The following ADGRV1 variants were observed in gnomAD, a reference collection of about 807,000 sequenced individuals.
ADGRV1 encodes the protein adhesion G protein-coupled receptor V1, also known as G-protein coupled receptor 98.
Under a neutral mutation model 596.2 loss-of-function variants are expected in ADGRV1, and 359 were observed. That is an observed-to-expected ratio of 0.60 (90% CI 0.55 to 0.66). The LOEUF is 0.66. Among genes scored for constraint, ADGRV1 ranks in the 30% least tolerant of loss-of-function variants. The pLI is 0.00. For missense variants in ADGRV1, 7,274 were observed against 7,575.6 expected (o/e 0.96, Z 1.48); for synonymous variants, 2,681 against 2,679.2 (o/e 1.00, Z -0.02).
chr5:90,821,084 G>C (rs1763451983), intron 75 of ADGRV1, among the ~76,000 whole-genome samples: 2 of 152,102 alleles, frequency 1.3e-5, no homozygotes, highest in African/African-American at 4.8e-5. Flanking sequence ...TTTTCACATA[G>C]TCGCATATTT....
Position 91,058,432 on chromosome 5 carries a change from C to T in ADGRV1, c.18153-14015C>T, listed in dbSNP as rs184974474. Among the ~76,000 whole-genome samples, 4 of 151,756 alleles carry T rather than the reference C, an allele frequency of 2.6e-5. No homozygotes were observed. The East Asian group carries it at 7.8e-4, about 29-fold the overall frequency. On this transcript the variant is annotated intron_variant, in intron 85 of 89. Transcript: ENST00000405460. ...AGGCTTTGAAAGGCTAGAAACCCTC[C>T]CTCTTCCATAAAATCGTTAGGTAAT...
chr5:90,688,530 A>G (rs917224170), intron 29 of ADGRV1, among the ~76,000 whole-genome samples: 1 of 151,750 alleles, frequency 6.6e-6, no homozygotes, highest in Admixed American at 6.6e-5. Flanking sequence ...TAATTTTTGT[A>G]TTTTTTAGTA....
At chr5:91,035,844 GTATATATATATATATATTATATATA>G (rs1208661303) in intron 85 of ADGRV1, among the ~76,000 whole-genome samples, 3 of 34,740 alleles carry the variant, frequency 8.6e-5, no homozygotes, top group Non-Finnish European at 1.8e-4. Flanking sequence ...AAATGAGTGT[GTATATATATATATATATTATATATA>G]TATATATATA....
chr5:91,141,403 C>T (rs1435505047), intron 87 of ADGRV1, among the ~76,000 whole-genome samples: 1 of 152,162 alleles, frequency 6.6e-6, no homozygotes, highest in Non-Finnish European at 1.5e-5. Flanking sequence ...TAATTGCTTA[C>T]ACAGATTTCC....
intron 83 of ADGRV1, among the ~76,000 whole-genome samples, chr5:90,869,460 G>A (rs73771104): frequency 0.018 from 2,706 of 152,198 alleles, 76 homozygotes; most frequent in African/African-American, 0.062. Context: ...TTTAAGGATT[G>A]ATCTGGCAAT....
chr5:90,595,468 G>A (rs775156227), intron 1 of ADGRV1, among the ~76,000 whole-genome samples: 1,247 of 71,994 alleles, frequency 0.017, 11 homozygotes, highest in Non-Finnish European at 0.026. Context: ...CGGACGGGGC[G>A]GCTGGCCGGG....
intron 87 of ADGRV1, among the ~76,000 whole-genome samples, chr5:91,113,510 C>T (rs1021712164): frequency 1.1e-4 from 17 of 152,168 alleles, no homozygotes; most frequent in African/African-American, 4.1e-4. Flanking sequence ...TCAAAGATTA[C>T]CTTCCCATTG....
Position 90,694,540 on chromosome 5 carries a change from T to C in ADGRV1, c.7784T>C (p.Phe2595Ser), listed in dbSNP as rs1173831235. 1 of 1,613,792 alleles carries C rather than the reference T, an allele frequency of 6.2e-7. No individual in the cohort carries two copies. The highest frequency in any genetic ancestry group is 1.7e-5 in the Admixed American group (1 of 59,992). ...ISPNTSEDGL[F>S]VEVQEQPQTL... is the part of the protein sequence containing the mutation. ...CCCAATACTTCCGAAGATGGCTTAT[T>C]TGTTGAAGTTCAGGAGCAGCCCCAA... The change falls in exon 33 of 90, where the codon TTT becomes TCT. Residue 2595 changes from phenylalanine to serine, a missense_variant. Coordinates refer to ENST00000405460, the MANE Select transcript of ADGRV1 (RefSeq NM_032119.4).
chr5:91,070,903 G>A (rs996975112), intron 85 of ADGRV1, among the ~76,000 whole-genome samples: 2 of 152,122 alleles, frequency 1.3e-5, no homozygotes, highest in African/African-American at 4.8e-5. Context: ...CAAAAAACAA[G>A]ATTGTGGAGA....
At chr5:91,141,711 G>A (rs532882232) in intron 87 of ADGRV1, among the ~76,000 whole-genome samples, 19 of 152,244 alleles carry the variant, frequency 1.2e-4, no homozygotes, top group African/African-American at 3.9e-4. Flanking sequence ...CACAATATCC[G>A]TTATCTTTGC....
chr5:90,750,696 T>C lies in ADGRV1; in HGVS notation c.11120T>C (p.Val3707Ala), dbSNP rs1282037439. 3.1e-6 allele frequency: 5 copies of C among 1,609,174 alleles called. No homozygotes were observed. The highest frequency in any genetic ancestry group is 2.2e-5 in the East Asian group (1 of 44,788). Reference protein sequence around the residue: ...SISDIFPTSGVILFTEGQVLS... With the variant: ...SISDIFPTSGAILFTEGQVLS... ...AGTGATATATTTCCTACCTCAGGAG[T>C]GGTATGTAATTTACAAAGTTATAGG... The change falls in exon 53 of 90, where the codon GTG (valine) becomes GCG (alanine). Residue 3707 changes from valine (V) to alanine (A), a missense_variant and splice_region_variant. Val to Ala is a moderately conservative substitution (Grantham distance 64). Coordinates refer to ENST00000405460, the MANE Select transcript of ADGRV1 (RefSeq NM_032119.4).
intron 85 of ADGRV1, among the ~76,000 whole-genome samples, chr5:91,035,881 A>ATATC (rs1784871926): frequency 7.8e-6 from 1 of 128,600 alleles, no homozygotes; most frequent in Non-Finnish European, 1.7e-5. Context: ...ATATATATAT[A>ATATC]TCTTACAACA....
rs768224917 is a variant in ADGRV1 at position 90,788,028 on chromosome 5, T to A, written c.13654-43T>A. The A allele has an allele frequency of 2.3e-5, 33 of 1,432,874 alleles. 1 individual carries two copies. The Admixed American group carries it at 7.8e-4, about 34-fold the overall frequency. The allele number at this position is 1,432,874 out of a possible 1,614,324, so 88.8% of individuals were successfully genotyped here. ...CCTGAAATAGTTTTTTGCTTAAAATTGATCTCTATTAAAGAAATACCAAAA... is the reference window on the plus strand; with the variant it reads ...CCTGAAATAGTTTTTTGCTTAAAATAGATCTCTATTAAAGAAATACCAAAA... On this transcript the variant is annotated intron_variant, in intron 67 of 89. Coordinates refer to ENST00000405460, the MANE Select transcript of ADGRV1 (RefSeq NM_032119.4).
intron 70 of ADGRV1, among the ~76,000 whole-genome samples, chr5:90,799,228 G>T (rs774926005): frequency 3.3e-5 from 5 of 152,176 alleles, no homozygotes; most frequent in East Asian, 1.9e-4. Flanking sequence ...CTTCAGCAAA[G>T]TCTCAGGATA....
At chr5:90,921,273 T>A (rs2150739011) in intron 83 of ADGRV1, among the ~76,000 whole-genome samples, 1 of 152,314 alleles carries the variant, frequency 6.6e-6, no homozygotes, top group Non-Finnish European at 1.5e-5. Flanking sequence ...TTAGCACCTA[T>A]TTTTTGTTTT....
chr5:91,027,969 A>C (rs1784152076), intron 85 of ADGRV1, among the ~76,000 whole-genome samples: 1 of 151,806 alleles, frequency 6.6e-6, no homozygotes, highest in African/African-American at 2.4e-5. Flanking sequence ...TTTCTTAAAT[A>C]GCAGGCTTTG....
intron 50 of ADGRV1, among the ~76,000 whole-genome samples, chr5:90,737,448 T>G (rs1753388440): frequency 6.6e-6 from 1 of 151,986 alleles, no homozygotes; most frequent in South Asian, 2.1e-4. Flanking sequence ...TAGGTCTATT[T>G]GGTCTACAGT....
At chr5:90,745,878 C>T (rs2149918480) in intron 52 of ADGRV1, 83 bp downstream of exon 52, 1 of 796,078 alleles carries the variant, frequency 1.3e-6, no homozygotes, top group Non-Finnish European at 2.0e-6. Flanking sequence ...TAGCACTCAG[C>T]AAGTCATAGT....
chr5:90,853,515 T>A lies in ADGRV1; in HGVS notation c.17436T>A (p.Leu5812=). Residue 5812 remains leucine (L), a synonymous_variant, in exon 80 of 90, where the codon CTT becomes CTA. Transcript: ENST00000405460. ...AGTGGTTTATAAGTGGAAACAATCT[T>A]CCTACCCTAAAAAATAAGGTAATCT... ...SQQWFISGNN[L]PTLKNKVLSL... The A allele has an allele frequency of 6.2e-7, 1 of 1,610,898 alleles. No homozygotes were observed. The highest frequency in any genetic ancestry group is 8.5e-7 in the Non-Finnish European group (1 of 1,177,984).
Sources: allele counts gnomAD v4.1 joint callset (sites outside exome capture counted in the v4.1 genomes callset), GRCh38; gene constraint gnomAD v4.1.1; transcripts MANE v1.5; gene names NCBI Gene and HGNC (gene_info 2026-07-23, HGNC 2026-07-21).